The following LRBA variants were observed in gnomAD, a reference collection of about 807,000 sequenced individuals.
LRBA encodes lipopolysaccharide-responsive and beige-like anchor protein.
Under a neutral mutation model 330.0 loss-of-function variants are expected in LRBA, and 176 were observed. The observed-to-expected ratio is 0.53, with a 90% CI of 0.47 to 0.60. The LOEUF (loss-of-function observed/expected upper bound fraction) is 0.60. Among genes scored for constraint, LRBA ranks in the 20% least tolerant of loss-of-function variants. The pLI, the probability that LRBA is intolerant of heterozygous loss-of-function variation, is 0.00. For missense variants in LRBA, 3,259 were observed against 3,444.8 expected (o/e 0.95, Z 1.35); for synonymous variants, 1,230 against 1,193.0 (o/e 1.03, Z -0.64).
intron 55 of LRBA, among the ~76,000 whole-genome samples, chr4:150,281,273 G>A (rs1238685904): frequency 1.3e-5 from 2 of 152,178 alleles, no homozygotes; most frequent in African/African-American, 4.8e-5. Context: ...AGCATTATGG[G>A]AAGGTAGGGA....
chr4:150,343,550 C>G (rs1735872967), intron 48 of LRBA, among the ~76,000 whole-genome samples: 1 of 152,262 alleles, frequency 6.6e-6, no homozygotes, highest in African/African-American at 2.4e-5. Context: ...TCACTCCCTT[C>G]CTTCCTTTCT....
At chr4:150,721,482 CA>C in intron 36 of LRBA, 9 of 247,196 alleles carry the variant, frequency 3.6e-5, no homozygotes, top group South Asian at 2.9e-4. Flanking sequence ...CATTTAAGAC[CA>C]AAAAAGAAAA....
chr4:150,847,060 T>C (rs991792399), intron 26 of LRBA, among the ~76,000 whole-genome samples: 15 of 152,254 alleles, frequency 9.9e-5, no homozygotes, highest in African/African-American at 2.4e-4. Context: ...ATTTTAATTA[T>C]AATACTAATA....
At chr4:150,337,008 A>C (rs1734840531) in intron 48 of LRBA, among the ~76,000 whole-genome samples, 1 of 152,222 alleles carries the variant, frequency 6.6e-6, no homozygotes, top group Admixed American at 6.5e-5. Flanking sequence ...CTAGAAAAAT[A>C]AGTGGAATGT....
At chr4:150,859,856 G>C (rs1178661072) in intron 22 of LRBA, among the ~76,000 whole-genome samples, 1 of 152,072 alleles carries the variant, frequency 6.6e-6, no homozygotes. Context: ...GATTCAAAAT[G>C]ACTGCAAAAA....
intron 9 of LRBA, among the ~76,000 whole-genome samples, chr4:150,913,412 A>G (rs1432643986): frequency 6.6e-6 from 1 of 152,198 alleles, no homozygotes; most frequent in African/African-American, 2.4e-5. Context: ...GGTTGCAATG[A>G]GCCAAGATCA....
chr4:150,592,144 GTTTTTTT>G (rs10685627), intron 38 of LRBA, among the ~76,000 whole-genome samples: 5 of 65,190 alleles, frequency 7.7e-5, no homozygotes, highest in East Asian at 6.4e-4. Flanking sequence ...GATGGCTAGG[GTTTTTTT>G]TTTTTTTTTT....
intron 45 of LRBA, 108 bp from the exon 46 acceptor site, chr4:150,435,816 T>TTTATATTACTAGTG: frequency 1.6e-6 from 1 of 640,148 alleles, no homozygotes; most frequent in Non-Finnish European, 2.6e-6. Flanking sequence ...CATTCACTAG[T>TTTATATTACTAGTG]AATATAAACT....
intron 56 of LRBA, among the ~76,000 whole-genome samples, chr4:150,275,015 A>G (rs1406490488): frequency 6.6e-6 from 1 of 152,228 alleles, no homozygotes; most frequent in Non-Finnish European, 1.5e-5. Context: ...ATGAACATCA[A>G]TGCGAAAATC....
intron 37 of LRBA, among the ~76,000 whole-genome samples, chr4:150,615,657 T>C (rs947839007): frequency 6.6e-6 from 1 of 152,208 alleles, no homozygotes; most frequent in Non-Finnish European, 1.5e-5. Flanking sequence ...AGTCTAAAAT[T>C]TGGTTTTAAA....
Position 150,599,254 on chromosome 4 carries a change from T to C in LRBA, c.5922-123A>G, listed in dbSNP as rs1773856730. The C allele has an allele frequency of 6.3e-6, 6 of 948,392 alleles. No individual in the cohort carries two copies. The East Asian group carries it at 1.6e-4, about 25-fold the overall frequency. 58.7% of individuals were successfully genotyped at this position (948,392 alleles called of 1,614,324 possible). A position where few individuals can be genotyped will look rare whatever the true frequency, so the allele number is the denominator to read the frequency against. On this transcript the variant is annotated intron_variant, in intron 37 of 56. Transcript: ENST00000651943. ...TTTTCCCTCTCCTTCCACTTAATTC[T>C]CCCTCCATCTCACACTCCCCTTTCT...
intron 2 of LRBA, among the ~76,000 whole-genome samples, chr4:151,010,990 A>G (rs916483741): frequency 5.3e-5 from 8 of 151,918 alleles, no homozygotes; most frequent in Non-Finnish European, 1.0e-4. Flanking sequence ...GATCGAGACC[A>G]TCCTGGCTGA....
chr4:150,884,663 C>T (rs1276539966), intron 17 of LRBA, among the ~76,000 whole-genome samples: 1 of 152,108 alleles, frequency 6.6e-6, no homozygotes, highest in African/African-American at 2.4e-5. Context: ...GGAGAAAACA[C>T]AATCTGCAAA....
intron 40 of LRBA, among the ~76,000 whole-genome samples, chr4:150,501,029 C>T (rs1318744910): frequency 6.6e-6 from 1 of 152,184 alleles, no homozygotes; most frequent in Non-Finnish European, 1.5e-5. Flanking sequence ...GAACTAAATG[C>T]TATGCTCACA....
At chr4:150,710,603 G>A (rs1268429459) in intron 36 of LRBA, among the ~76,000 whole-genome samples, 4 of 151,904 alleles carry the variant, frequency 2.6e-5, no homozygotes, top group African/African-American at 4.8e-5. Flanking sequence ...ATATATTCTG[G>A]CCCAGCTCTT....
At chr4:150,739,888 C>G (rs550282517) in intron 35 of LRBA, among the ~76,000 whole-genome samples, 9 of 152,300 alleles carry the variant, frequency 5.9e-5, no homozygotes, top group African/African-American at 2.2e-4. Context: ...TCAAATAAGA[C>G]TGCAACTCTG....
intron 37 of LRBA, among the ~76,000 whole-genome samples, chr4:150,650,635 TAA>T (rs951102401): frequency 7.9e-5 from 12 of 152,162 alleles, no homozygotes; most frequent in Non-Finnish European, 1.0e-4. Context: ...GACTTTCCTA[TAA>T]AAGTTTCTGG....
intron 42 of LRBA, among the ~76,000 whole-genome samples, chr4:150,477,234 T>C (rs1300618173): frequency 6.6e-6 from 1 of 152,182 alleles, no homozygotes; most frequent in Non-Finnish European, 1.5e-5. Flanking sequence ...TACCATCCCT[T>C]GGTGATATGG....
In LRBA at chr4:150,841,042, T is replaced by A. The variant is rs145090887; in HGVS notation, c.4569+3058A>T. Reference sequence around the variant, plus strand: ...TGATATTTTGCAGGTTCATATGTAATGACTTCTTAGTCTGTTGGAAAAAAC... The same window carrying A: ...TGATATTTTGCAGGTTCATATGTAAAGACTTCTTAGTCTGTTGGAAAAAAC... On this transcript the variant is annotated intron_variant, in intron 28 of 56. Coordinates refer to ENST00000651943, the MANE Select transcript of LRBA (RefSeq NM_001364905.1). 1.2e-5 allele frequency: 14 copies of A among 1,195,136 alleles called. No homozygotes were observed. In the South Asian group the frequency reaches 2.0e-4, roughly 17 times the overall value. 74.0% of individuals were successfully genotyped at this position (1,195,136 alleles called of 1,614,324 possible).
Sources: gnomAD v4.1 joint callset for allele counts (sites outside exome capture counted in the v4.1 genomes callset) on GRCh38, gnomAD v4.1.1 for gene constraint, MANE v1.5 for transcripts, NCBI Gene and HGNC (gene_info 2026-07-23, HGNC 2026-07-21) for gene names.